The following RIT2 variants were observed in gnomAD, a reference collection of about 807,000 sequenced individuals.
RIT2 encodes the protein Ras like without CAAX 2.
Under a neutral mutation model 23.7 loss-of-function variants are expected in RIT2, and 24 were observed. The observed-to-expected ratio is 1.01, with a 90% confidence interval of 0.73 to 1.43. RIT2 has a LOEUF of 1.43. Ranked by LOEUF, RIT2 falls within the 40% of genes most tolerant of loss-of-function variation. RIT2 has a pLI of 0.00. For missense variants in RIT2, 236 were observed against 266.9 expected (o/e 0.88, Z 0.81); for synonymous variants, 107 against 91.1 (o/e 1.17, Z -0.99).
intron 2 of RIT2, among the ~76,000 whole-genome samples, chr18:42,986,633 C>T (rs1398053562): frequency 1.3e-5 from 2 of 151,952 alleles, no homozygotes; most frequent in African/African-American, 4.8e-5. Flanking sequence ...TCCTGAGTAG[C>T]TGGGACTATA....
intron 2 of RIT2, among the ~76,000 whole-genome samples, chr18:43,020,976 C>T (rs1054985508): frequency 6.6e-6 from 1 of 151,966 alleles, no homozygotes; most frequent in East Asian, 1.9e-4. Flanking sequence ...TCAAATACCG[C>T]AAAAGCACAG....
intron 1 of RIT2, among the ~76,000 whole-genome samples, chr18:43,113,841 C>A (rs572944551): frequency 6.6e-6 from 1 of 152,310 alleles, no homozygotes; most frequent in Non-Finnish European, 1.5e-5. Context: ...CCTGACCTCA[C>A]AAGCTGCTGG....
At chr18:43,041,691 TA>T (rs1912132505) in intron 1 of RIT2, among the ~76,000 whole-genome samples, 1 of 152,176 alleles carries the variant, frequency 6.6e-6, no homozygotes. Flanking sequence ...TATTTTTATT[TA>T]AATTTCCATT....
intron 4 of RIT2, among the ~76,000 whole-genome samples, chr18:42,917,259 C>A (rs866255636): frequency 6.6e-6 from 1 of 152,120 alleles, no homozygotes; most frequent in African/African-American, 2.4e-5. Context: ...CTATCTGATT[C>A]TTTCAACTAC....
chr18:42,984,974 A>G (rs1332220253), intron 2 of RIT2, among the ~76,000 whole-genome samples: 1 of 151,932 alleles, frequency 6.6e-6, no homozygotes, highest in Non-Finnish European at 1.5e-5. Context: ...AAAGTTTAGC[A>G]TAGAAAAAAA....
chr18:43,051,645 T>C (rs760779867), intron 1 of RIT2, among the ~76,000 whole-genome samples: 2 of 152,158 alleles, frequency 1.3e-5, no homozygotes, highest in African/African-American at 2.4e-5. Context: ...TGAAAAACTT[T>C]TTTAGTGTTA....
At chr18:42,872,964 T>C (rs2144066267) in intron 4 of RIT2, among the ~76,000 whole-genome samples, 1 of 152,312 alleles carries the variant, frequency 6.6e-6, no homozygotes, top group Admixed American at 6.5e-5. Context: ...TCACCAGATG[T>C]GAGTATCGCC....
intron 4 of RIT2, among the ~76,000 whole-genome samples, chr18:42,801,697 G>T (rs999095192): frequency 3.9e-5 from 6 of 152,092 alleles, no homozygotes; most frequent in Non-Finnish European, 8.8e-5. Context: ...GCTAACTCTG[G>T]TTTCTCCCTT....
chr18:43,075,458 T>C (rs1269408690), intron 1 of RIT2, among the ~76,000 whole-genome samples: 3 of 152,154 alleles, frequency 2.0e-5, no homozygotes, highest in South Asian at 2.1e-4. Context: ...TCTTAATGTT[T>C]AATTAGTTTA....
At chr18:42,803,516 A>G (rs1905597754) in intron 4 of RIT2, among the ~76,000 whole-genome samples, 1 of 152,216 alleles carries the variant, frequency 6.6e-6, no homozygotes, top group African/African-American at 2.4e-5. Context: ...CTTGTAAACA[A>G]TGGGAGCTCT....
At chr18:43,052,566 G>C (rs1461446721) in intron 1 of RIT2, among the ~76,000 whole-genome samples, 1 of 151,926 alleles carries the variant, frequency 6.6e-6, no homozygotes, top group Non-Finnish European at 1.5e-5. Context: ...TTCCTAATCT[G>C]TTAGCCTGAA....
At chr18:42,800,821 G>A (rs1014606560) in intron 4 of RIT2, among the ~76,000 whole-genome samples, 55 of 152,008 alleles carry the variant, frequency 3.6e-4, no homozygotes, top group Non-Finnish European at 7.6e-4. Flanking sequence ...GTGAGCCACC[G>A]CGTCCGGCCA....
chr18:43,019,460 G>A (rs1911547551), intron 2 of RIT2, among the ~76,000 whole-genome samples: 1 of 151,552 alleles, frequency 6.6e-6, no homozygotes, highest in Non-Finnish European at 1.5e-5. Flanking sequence ...AATAGATGCA[G>A]AAAAAGCATT....
At chr18:43,070,535 A>G (rs996894833) in intron 1 of RIT2, among the ~76,000 whole-genome samples, 1 of 152,234 alleles carries the variant, frequency 6.6e-6, no homozygotes, top group Non-Finnish European at 1.5e-5. Context: ...AGAAAGAAAC[A>G]TGATGAGCTA....
At chr18:43,034,195 T>G (rs1418240714) in intron 1 of RIT2, among the ~76,000 whole-genome samples, 1 of 152,164 alleles carries the variant, frequency 6.6e-6, no homozygotes, top group South Asian at 2.1e-4. Context: ...CTTCTCTGGT[T>G]GAACAGTTGG....
intron 1 of RIT2, among the ~76,000 whole-genome samples, chr18:43,087,517 G>GA: frequency 6.6e-6 from 1 of 152,188 alleles, no homozygotes; most frequent in Non-Finnish European, 1.5e-5. Context: ...TATTCATGAA[G>GA]TTACCTTACT....
intron 4 of RIT2, among the ~76,000 whole-genome samples, chr18:42,831,406 C>T (rs1906453582): frequency 6.6e-6 from 1 of 152,092 alleles, no homozygotes; most frequent in African/African-American, 2.4e-5. Flanking sequence ...TCTTTTCTAC[C>T]AGATTTGTCC....
chr18:42,798,803 T>A (rs779209004), intron 4 of RIT2, among the ~76,000 whole-genome samples: 9 of 152,226 alleles, frequency 5.9e-5, no homozygotes, highest in Non-Finnish European at 1.0e-4. Context: ...CTGTCTTTAT[T>A]CACAAGGACT....
rs35904043 is a variant in RIT2, at chr18:42,774,623, C to CTT, written c.427-30905_427-30904dup. 9.5e-3 allele frequency among the ~76,000 whole-genome samples: 1,392 copies of CTT among 146,750 alleles called. 6 individuals carry two copies. Among genetic ancestry groups the CTT allele is most frequent in the African/African-American group, 0.013 (502 of 39,948 alleles). ...TTATCAATCGTTCAAATTGACTAGA[C>CTT]TTTTTTTTTTTTAACTAAACCAAAT... On this transcript the variant is annotated intron_variant, in intron 4 of 4. Coordinates refer to ENST00000326695, the MANE Select transcript of RIT2 (RefSeq NM_002930.4).
Sources: gnomAD v4.1 joint callset for allele counts (sites outside exome capture counted in the v4.1 genomes callset) on GRCh38, gnomAD v4.1.1 for gene constraint, MANE v1.5 for transcripts, NCBI Gene and HGNC (gene_info 2026-07-23, HGNC 2026-07-21) for gene names.